The following RPS6KA2 variants were observed in gnomAD, a reference collection of about 807,000 sequenced individuals.
The protein encoded by RPS6KA2 is ribosomal protein S6 kinase A2, also known as ribosomal protein S6 kinase alpha-2.
RPS6KA2 carries 42 observed loss-of-function variants against 91.8 expected under a neutral mutation model. The ratio of observed to expected loss-of-function variants is 0.46; its 90% CI spans 0.36 to 0.59. RPS6KA2 has a LOEUF of 0.59. Ranked by LOEUF, RPS6KA2 falls within the 20% of genes least tolerant of loss-of-function variation. The pLI, the probability that RPS6KA2 is intolerant of heterozygous loss-of-function variation, is 0.00. For synonymous variants in RPS6KA2, 414 were observed against 393.6 expected (o/e 1.05, Z -0.61); for missense variants, 798 against 978.5 (o/e 0.82, Z 2.46).
At chr6:166,605,181 C>T (rs775875652) in intron 1 of RPS6KA2, among the ~76,000 whole-genome samples, 2 of 152,194 alleles carry the variant, frequency 1.3e-5, no homozygotes, top group African/African-American at 4.8e-5. Context: ...CCCCCAAGGG[C>T]CTTGGGTGTT....
At position 166,419,480 on chromosome 6, in the gene RPS6KA2, A is replaced by G. The variant is rs1778650324; in HGVS notation, c.1820+402T>C. 6.6e-6 allele frequency among the ~76,000 whole-genome samples: 1 copy of G among 152,226 alleles called. No homozygotes were observed. Among genetic ancestry groups the G allele is most frequent in the African/African-American group, 2.4e-5 (1 of 41,462 alleles). ...CAATGAACCGGCCCGTGCATGACTC[A>G]TGACCACGAAACCCAGGTACAGATG... On this transcript the variant is annotated intron_variant, in intron 18 of 20. Coordinates refer to ENST00000265678, the MANE Select transcript of RPS6KA2 (RefSeq NM_021135.6). This position sits in a 1 kb window ranked among gnomAD's most constrained non-coding sequence, Gnocchi z 5.6.
At chr6:166,522,507 A>G (rs1367661545) in intron 3 of RPS6KA2, among the ~76,000 whole-genome samples, 1 of 152,210 alleles carries the variant, frequency 6.6e-6, no homozygotes, top group African/African-American at 2.4e-5. Flanking sequence ...ATGCAGCGCA[A>G]CTGGAGGGAT....
At chr6:166,652,564 G>C (rs1054302877) in intron 2 of RPS6KA2, among the ~76,000 whole-genome samples, 2 of 151,976 alleles carry the variant, frequency 1.3e-5, no homozygotes, top group Non-Finnish European at 2.9e-5. Flanking sequence ...ATTTTTGCCC[G>C]TATTGATCTT....
chr6:166,486,777 C>A (rs968446260), intron 10 of RPS6KA2, among the ~76,000 whole-genome samples: 1 of 151,826 alleles, frequency 6.6e-6, no homozygotes, highest in African/African-American at 2.4e-5. Context: ...CAGTCTAGAC[C>A]CTGGCCCTTC....
intron 2 of RPS6KA2, among the ~76,000 whole-genome samples, chr6:166,683,085 C>T (rs538049711): frequency 6.6e-6 from 1 of 152,344 alleles, no homozygotes; most frequent in South Asian, 2.1e-4. Flanking sequence ...CCACAGCTGG[C>T]AGCTGTGCTT....
At chr6:166,575,204 A>G (rs1055522315) in intron 1 of RPS6KA2, among the ~76,000 whole-genome samples, 1 of 152,236 alleles carries the variant, frequency 6.6e-6, no homozygotes, top group Non-Finnish European at 1.5e-5. Context: ...TTTTCAACAC[A>G]TAAAAACTTT....
chr6:166,815,136 T>C (rs1385362037), intron 2 of RPS6KA2, among the ~76,000 whole-genome samples: 1 of 152,246 alleles, frequency 6.6e-6, no homozygotes, highest in Non-Finnish European at 1.5e-5. Flanking sequence ...GTTCTGTGTC[T>C]TCTAAATGAC....
chr6:166,445,850 G>A lies in RPS6KA2; in HGVS notation c.1332+2874C>T, dbSNP rs1407547212. Among the ~76,000 whole-genome samples the A allele has an allele frequency of 1.3e-5, 2 of 152,132 alleles. No individual in the cohort carries two copies. The highest frequency in any genetic ancestry group is 4.8e-5 in the African/African-American group (2 of 41,422). ...GGGAGTGGTAAAGCCGGATTCTAGT[G>A]ACAATCTCGGCTGGACATCTGCTGA... On this transcript the variant is annotated intron_variant, in intron 14 of 20. Coordinates refer to ENST00000265678, the MANE Select transcript of RPS6KA2 (RefSeq NM_021135.6). The surrounding 1 kb of genome is among the most constrained non-coding windows in gnomAD (Gnocchi z 4.5).
At position 166,770,996 on chromosome 6, in the gene RPS6KA2, C is replaced by T. The variant is rs1226305688; in HGVS notation, c.123+87204G>A. The stretch of plus-strand genomic sequence containing the variant: ...AGCAACTTCATTAGCAAGGGCATTA[C>T]TACCATACTCACCAGGCCTGTGAGC... On this transcript the variant is annotated intron_variant, in intron 2 of 21. Coordinates refer to the RPS6KA2 transcript ENST00000503859. The surrounding 1 kb of genome is among the most constrained non-coding windows in gnomAD (Gnocchi z 5.1). 8.5e-7 allele frequency: 1 copy of T among 1,182,376 alleles called. No homozygotes were observed. The highest frequency in any genetic ancestry group is 1.5e-5 in the African/African-American group (1 of 65,778). 73.2% of individuals were successfully genotyped at this position (1,182,376 alleles called of 1,614,324 possible).
At chr6:166,575,158 C>T (rs111595175) in intron 1 of RPS6KA2, among the ~76,000 whole-genome samples, 19 of 152,282 alleles carry the variant, frequency 1.2e-4, no homozygotes, top group African/African-American at 2.9e-4. Context: ...TGTTTACGAA[C>T]GCCATACAAC....
intron 1 of RPS6KA2, among the ~76,000 whole-genome samples, chr6:166,555,316 C>A (rs1784145419): frequency 6.6e-6 from 1 of 152,226 alleles, no homozygotes; most frequent in African/African-American, 2.4e-5. Context: ...TGACCACCTG[C>A]ACCCCTATTG....
chr6:166,448,971 C>G lies in RPS6KA2; in HGVS notation c.1207-122G>C. ...GACTGTGAACTGAGTGTGTGGAGGC[C>G]TGGGAGCTCATGGGTCCCCCTGCCC... On this transcript the variant is annotated intron_variant, in intron 13 of 20. Coordinates refer to ENST00000265678, the MANE Select transcript of RPS6KA2 (RefSeq NM_021135.6). This position sits in a 1 kb window ranked among gnomAD's most constrained non-coding sequence, Gnocchi z 4.7. 1 of 1,242,070 alleles carries G rather than the reference C, an allele frequency of 8.1e-7. No individual in the cohort carries two copies. The highest frequency in any genetic ancestry group is 1.1e-6 in the Non-Finnish European group (1 of 884,042). The allele number at this position is 1,242,070 out of a possible 1,614,324, so 76.9% of individuals were successfully genotyped here. A position where few individuals can be genotyped will look rare whatever the true frequency, so the allele number is the denominator to read the frequency against.
At chr6:166,531,419 AAAACAAGTACACTGGTGAGAATTT>A (rs1783271973) in intron 2 of RPS6KA2, 106 bp from the exon 3 acceptor site, 2 of 856,526 alleles carry the variant, frequency 2.3e-6, no homozygotes, top group Admixed American at 2.0e-5. Flanking sequence ...CATTTTCAAT[AAAACAAGTACACTGGTGAGAATTT>A]AAAATTTTCT....
chr6:166,777,106 G>A (rs2128609040), intron 2 of RPS6KA2, among the ~76,000 whole-genome samples: 1 of 152,296 alleles, frequency 6.6e-6, no homozygotes, highest in South Asian at 2.1e-4. Flanking sequence ...CGGCTGTGAG[G>A]TGAAGAGCTG....
At chr6:166,753,468 T>G (rs2128599847) in intron 2 of RPS6KA2, among the ~76,000 whole-genome samples, 1 of 152,348 alleles carries the variant, frequency 6.6e-6, no homozygotes. Context: ...CCTATATTTA[T>G]ATAAAAATCA....
rs1781713768 is a variant in RPS6KA2 at position 166,494,534 on chromosome 6, T to C, written c.748-3793A>G. On this transcript the variant is annotated intron_variant, in intron 8 of 20. Transcript: ENST00000265678. The surrounding 1 kb of genome is among the most constrained non-coding windows in gnomAD (Gnocchi z 5.1). Reference sequence around the variant, plus strand: ...CAGAGTGCTCAAGAGATGCTTTAGATGTTTACAAAACAGCCCAAATATCCT... The same window carrying C: ...CAGAGTGCTCAAGAGATGCTTTAGACGTTTACAAAACAGCCCAAATATCCT... 6.6e-6 allele frequency among the ~76,000 whole-genome samples: 1 copy of C among 152,250 alleles called. No individual in the cohort carries two copies. The highest frequency in any genetic ancestry group is 1.5e-5 in the Non-Finnish European group (1 of 68,050).
At chr6:166,630,923 G>A (rs535359971), upstream of RPS6KA2, among the ~76,000 whole-genome samples, 12 of 152,354 alleles carry the variant, frequency 7.9e-5, no homozygotes, top group South Asian at 2.5e-3. Context: ...GACAGTTCAG[G>A]TGGGGGCACG....
intron 2 of RPS6KA2, among the ~76,000 whole-genome samples, chr6:166,742,976 C>T (rs1441571745): frequency 6.6e-6 from 1 of 152,222 alleles, no homozygotes; most frequent in African/African-American, 2.4e-5. Context: ...CTTCCCAAGA[C>T]ATTTGTCACA....
Position 166,506,970 on chromosome 6 carries a change from G to A in RPS6KA2, c.459+1233C>T, listed in dbSNP as rs143865919. On this transcript the variant is annotated intron_variant, in intron 5 of 20. Transcript: ENST00000265678. Reference sequence around the variant, plus strand: ...TGCTTTTCACGTCAATCAGGGCCACGGGGCTCTCAGGGTGCAGTGAAGTTG... The same window carrying A: ...TGCTTTTCACGTCAATCAGGGCCACAGGGCTCTCAGGGTGCAGTGAAGTTG... Among the ~76,000 whole-genome samples the A allele has an allele frequency of 8.1e-3, 1,232 of 152,214 alleles. 9 individuals carry two copies. Among genetic ancestry groups the A allele is most frequent in the Non-Finnish European group, 0.012 (808 of 68,008 alleles).
Sources: gnomAD v4.1 joint callset for allele counts (sites outside exome capture counted in the v4.1 genomes callset) on GRCh38, gnomAD v4.1.1 for gene constraint, Gnocchi (gnomAD v3.1) non-coding constraint, MANE v1.5 for transcripts, NCBI Gene and HGNC (gene_info 2026-07-23, HGNC 2026-07-21) for gene names.